PCDHGA4: variants seen among roughly 807,000 people sequenced by gnomAD.
PCDHGA4 encodes protocadherin gamma subfamily A, 4, also known as protocadherin gamma-A4.
PCDHGA4 carries 38 observed loss-of-function variants against 54.6 expected under a neutral mutation model. That is an observed-to-expected ratio of 0.70 (90% CI 0.54 to 0.91). PCDHGA4 has a LOEUF of 0.91. Among genes scored for constraint, PCDHGA4 ranks in the 40% least tolerant of loss-of-function variants. PCDHGA4 has a pLI of 0.00. For synonymous variants in PCDHGA4, 511 were observed against 512.9 expected (o/e 1.00, Z 0.05); for missense variants, 1,298 against 1,220.9 (o/e 1.06, Z -0.94).
At chr5:141,464,931 G>T (rs2099093694) in intron 1 of PCDHGA4, among the ~76,000 whole-genome samples, 1 of 151,942 alleles carries the variant, frequency 6.6e-6, no homozygotes, top group Non-Finnish European at 1.5e-5. Context: ...GTAGAGATGT[G>T]AGGTCTCACT....
intron 1 of PCDHGA4, among the ~76,000 whole-genome samples, chr5:141,373,074 A>G (rs910796457): frequency 6.6e-6 from 1 of 152,228 alleles, no homozygotes; most frequent in Non-Finnish European, 1.5e-5. Flanking sequence ...TTTTTAATAC[A>G]GTATTATCTC....
chr5:141,410,189 G>T, intron 1 of PCDHGA4: 1 of 1,613,992 alleles, frequency 6.2e-7, no homozygotes, highest in Non-Finnish European at 8.5e-7. Flanking sequence ...GCTTCATCTG[G>T]TCTTCGCAGA....
intron 1 of PCDHGA4, chr5:141,371,463 C>A (rs753028927): frequency 6.2e-7 from 1 of 1,613,952 alleles, no homozygotes; most frequent in Non-Finnish European, 8.5e-7. Context: ...CCAACATATA[C>A]AAGAAGATGC....
Position 141,432,224 on chromosome 5 carries a change from T to C in PCDHGA4, c.2515-62583T>C. On this transcript the variant is annotated intron_variant, in intron 1 of 3. Transcript: ENST00000571252. The surrounding 1 kb of genome is among the most constrained non-coding windows in gnomAD (Gnocchi z 6.0). The stretch of plus-strand genomic sequence containing the variant: ...CTGTGAAGAGAACGCCCAGATCACT[T>C]ATTCCCTGGCTGAGAACACCATCCA... 6.2e-7 allele frequency: 1 copy of C among 1,614,138 alleles called. No homozygotes were observed. Among genetic ancestry groups the C allele is most frequent in the Non-Finnish European group, 8.5e-7 (1 of 1,180,024 alleles).
At chr5:141,386,135 G>A (rs2090475678) in intron 1 of PCDHGA4, 1 of 152,130 alleles carries the variant, frequency 6.6e-6, no homozygotes, top group African/African-American at 2.4e-5. Context: ...GGGGATACTG[G>A]CTTTGTTTCA....
chr5:141,476,661 T>G lies in PCDHGA4; in HGVS notation c.2515-18146T>G. 1.2e-6 allele frequency: 2 copies of G among 1,614,076 alleles called. No individual in the cohort carries two copies. The highest frequency in any genetic ancestry group is 1.7e-6 in the Non-Finnish European group (2 of 1,179,938). On this transcript the variant is annotated intron_variant, in intron 1 of 3. Coordinates refer to ENST00000571252, the MANE Select transcript of PCDHGA4 (RefSeq NM_018917.4). The surrounding 1 kb of genome is among the most constrained non-coding windows in gnomAD (Gnocchi z 7.6). Reference sequence around the variant, plus strand: ...CTGAGCCGAAATGAATACTTTGCGCTTCGCGTGCAGACGCGGGAGGACAGC... The same window carrying G: ...CTGAGCCGAAATGAATACTTTGCGCGTCGCGTGCAGACGCGGGAGGACAGC...
At position 141,357,032 on chromosome 5, in the gene PCDHGA4, C is replaced by G; in HGVS notation, c.1925C>G (p.Ser642Cys). 7 of 1,614,066 alleles carry G rather than the reference C, an allele frequency of 4.3e-6. No individual in the cohort carries two copies. The highest frequency in any genetic ancestry group is 5.9e-6 in the Non-Finnish European group (7 of 1,179,980). ...NAWLSYSLLK[S>C]SEPGLFAVGL... ...TGGCTGTCCTACAGCCTACTCAAGT[C>G]CAGCGAGCCGGGACTATTTGCAGTG... The change falls in exon 1 of 4, where the codon TCC becomes TGC. Residue 642 changes from serine (S) to cysteine (C), a missense_variant. Physicochemically the swap from Ser to Cys is moderately radical, Grantham distance 112 (BLOSUM62 -1). Coordinates refer to ENST00000571252, the MANE Select transcript of PCDHGA4 (RefSeq NM_018917.4).
intron 1 of PCDHGA4, among the ~76,000 whole-genome samples, chr5:141,469,852 C>T (rs529924249): frequency 1.3e-4 from 20 of 152,054 alleles, no homozygotes; most frequent in African/African-American, 4.8e-4. Flanking sequence ...AGATTCAGAC[C>T]GGGTGCAATG....
At chr5:141,496,310 A>G (rs1446146598) in intron 2 of PCDHGA4, among the ~76,000 whole-genome samples, 1 of 152,218 alleles carries the variant, frequency 6.6e-6, no homozygotes, top group East Asian at 1.9e-4. Context: ...GCTCTGCGCC[A>G]GGCCTCCCAG....
intron 1 of PCDHGA4, among the ~76,000 whole-genome samples, chr5:141,437,310 C>T (rs1226274834): frequency 6.6e-6 from 1 of 152,166 alleles, no homozygotes; most frequent in Non-Finnish European, 1.5e-5. Flanking sequence ...TTAAAGCGTT[C>T]AGCTATAATT....
intron 1 of PCDHGA4, chr5:141,415,938 C>T (rs1351429284): frequency 3.4e-6 from 2 of 588,200 alleles, no homozygotes; most frequent in East Asian, 4.2e-5. Context: ...ATATTTCCTC[C>T]TGGGTGGTCA....
At position 141,481,036 on chromosome 5, in the gene PCDHGA4, C is replaced by T. The variant is rs1040377549; in HGVS notation, c.2515-13771C>T. Among the ~76,000 whole-genome samples, 19 of 151,964 alleles carry T rather than the reference C, an allele frequency of 1.3e-4. 1 individual carries two copies. The highest frequency in any genetic ancestry group is 3.4e-4 in the African/African-American group (14 of 41,456). ...TCACACCACTGCACTCCAGCCTGGG[C>T]GACAGAGCGAGACTCCACCTCAAAA... is the stretch of plus-strand genomic sequence containing the variant. On this transcript the variant is annotated intron_variant, in intron 1 of 3. Transcript: ENST00000571252.
At position 141,497,103 on chromosome 5, in the gene PCDHGA4, T is replaced by C. The variant is rs182534106; in HGVS notation, c.2573+2238T>C. On this transcript the variant is annotated intron_variant, in intron 2 of 3. Transcript: ENST00000571252. ...ACTTAGGAGGCTGAGGCAGAACTGC[T>C]TGAACCCGGAAGGCAGAGGTTGCAG... Among the ~76,000 whole-genome samples, 34 of 152,160 alleles carry C rather than the reference T, an allele frequency of 2.2e-4. 1 individual carries two copies. Among genetic ancestry groups the C allele is most frequent in the Admixed American group, 6.6e-4 (10 of 15,264 alleles).
intron 1 of PCDHGA4, chr5:141,441,834 C>T (rs370689467): frequency 2.6e-5 from 9 of 352,638 alleles, no homozygotes; most frequent in Non-Finnish European, 3.9e-5. Flanking sequence ...GCAATGGCTT[C>T]GCGCTCTTGG....
chr5:141,376,310 G>A (rs1211342702), intron 1 of PCDHGA4: 5 of 1,613,822 alleles, frequency 3.1e-6, no homozygotes, highest in East Asian at 2.2e-5. Flanking sequence ...CTTTGTGGGC[G>A]TGGAAGGGGT....
At position 141,360,263 on chromosome 5, in the gene PCDHGA4, A is replaced by G. The variant is rs555467064; in HGVS notation, c.2514+2642A>G. The G allele has an allele frequency of 1.9e-6, 3 of 1,613,984 alleles. No individual in the cohort carries two copies. In the Admixed American group the frequency reaches 5.0e-5, roughly 27 times the overall value. On this transcript the variant is annotated intron_variant, in intron 1 of 3. Transcript: ENST00000571252. ...TATTCAATTCCAGAGGAGCTGGCCA[A>G]AAACTCGGTCGTAGGAAACCTCGCC...
intron 1 of PCDHGA4, chr5:141,394,390 G>A (rs758609540): frequency 2.5e-6 from 4 of 1,614,100 alleles, no homozygotes; most frequent in South Asian, 2.2e-5. Flanking sequence ...GAGCAGATCC[G>A]AGACCTGCAG....
At chr5:141,423,066 C>T (rs1375575018) in intron 1 of PCDHGA4, 2 of 1,614,002 alleles carry the variant, frequency 1.2e-6, no homozygotes, top group South Asian at 1.1e-5. Context: ...TTAAGGCCAG[C>T]GAGCCGGGAC....
intron 1 of PCDHGA4, among the ~76,000 whole-genome samples, chr5:141,407,310 T>C (rs1468156890): frequency 6.6e-6 from 1 of 152,224 alleles, no homozygotes; most frequent in Non-Finnish European, 1.5e-5. Context: ...GTAGCCTTCA[T>C]ACTTAGTATT....
Sources: allele counts gnomAD v4.1 joint callset (sites outside exome capture counted in the v4.1 genomes callset), GRCh38; gene constraint gnomAD v4.1.1; non-coding constraint Gnocchi (gnomAD v3.1); transcripts MANE v1.5; gene names NCBI Gene and HGNC (gene_info 2026-07-23, HGNC 2026-07-21).